Variants in PTPRM observed in about 807,000 individuals in gnomAD.
The protein encoded by PTPRM is receptor-type tyrosine-protein phosphatase mu.
Under a neutral mutation model 186.7 loss-of-function variants are expected in PTPRM, and 47 were observed. That is an observed-to-expected ratio of 0.25 (90% CI 0.20 to 0.32). The LOEUF (loss-of-function observed/expected upper bound fraction) is 0.32. Among genes scored for constraint, PTPRM ranks in the 10% least tolerant of loss-of-function variants. PTPRM has a pLI of 1.00. For missense variants in PTPRM, 1,494 were observed against 1,865.0 expected, an observed-to-expected ratio of 0.80 and a Z score of 3.66; for synonymous variants, 668 against 674.9, an observed-to-expected ratio of 0.99 and a Z score of 0.16.
chr18:7,868,869 G>A (rs146595306), intron 2 of PTPRM, among the ~76,000 whole-genome samples: 12 of 152,334 alleles, frequency 7.9e-5, no homozygotes, highest in East Asian at 3.9e-4. Flanking sequence ...GCCTGGGACC[G>A]CTGCCTTTCT....
intron 14 of PTPRM, among the ~76,000 whole-genome samples, chr18:8,177,670 G>A (rs927264095): frequency 2.6e-5 from 4 of 152,246 alleles, no homozygotes; most frequent in Non-Finnish European, 5.9e-5. Context: ...AAGGCTGAGT[G>A]AGAGAATGAG....
chr18:8,380,694 A>G (rs2095728193), intron 29 of PTPRM, among the ~76,000 whole-genome samples: 1 of 152,212 alleles, frequency 6.6e-6, no homozygotes, highest in Admixed American at 6.5e-5. Context: ...GCTGTTCCTA[A>G]AAGATGGAAA....
rs2094545091 is a variant in PTPRM, at chr18:8,253,238, A to G, written c.2578A>G (p.Thr860Ala). The G allele has an allele frequency of 6.6e-7, 1 of 1,511,762 alleles. No individual in the cohort carries two copies. The highest frequency in any genetic ancestry group is 2.6e-5 in the East Asian group (1 of 39,028). The allele number at this position is 1,511,762 out of a possible 1,614,324, so 93.6% of individuals were successfully genotyped here. A position where few individuals can be genotyped will look rare whatever the true frequency, so the allele number is the denominator to read the frequency against. Residue 860 changes from threonine to alanine, a missense_variant, in exon 19 of 33, where the codon ACA becomes GCA. Thr to Ala is a moderately conservative substitution (Grantham distance 58). Coordinates refer to ENST00000580170, the MANE Select transcript of PTPRM (RefSeq NM_001105244.2). ...ILVPINDETH[T>A]MASDTSSLVQ... The stretch of plus-strand genomic sequence containing the variant: ...CCTTCTTTTCCTAGATGAAACCCAC[A>G]CAATGGCCAGCGATACCAGCAGCCT...
chr18:7,675,738 A>AT (rs112150765), intron 1 of PTPRM, among the ~76,000 whole-genome samples: 38,677 of 141,838 alleles, frequency 0.27, 8,168 homozygotes, highest in African/African-American at 0.59. Flanking sequence ...TTCATTCAGC[A>AT]TTTTTTTTTT....
chr18:7,984,921 A>G (rs1487154595), intron 7 of PTPRM, among the ~76,000 whole-genome samples: 3 of 104,070 alleles, frequency 2.9e-5, no homozygotes, highest in Non-Finnish European at 5.7e-5. Context: ...AATTATATAT[A>G]CATATATAAA....
rs138711571 is a variant in PTPRM at position 8,255,428 on chromosome 18, A to G, written c.2754+2014A>G. ...TCCCATTCAGATCTTTTGAATAAAT[A>G]TGATTTATAAGTATAAACTGAAATA... On this transcript the variant is annotated intron_variant, in intron 19 of 32. Coordinates refer to ENST00000580170, the MANE Select transcript of PTPRM (RefSeq NM_001105244.2). 2.6e-4 allele frequency among the ~76,000 whole-genome samples: 39 copies of G among 152,346 alleles called. No homozygotes were observed. In the East Asian group the frequency reaches 6.9e-3, roughly 27 times the overall value.
At chr18:7,652,713 T>C (rs2038744400) in intron 1 of PTPRM, among the ~76,000 whole-genome samples, 1 of 127,450 alleles carries the variant, frequency 7.8e-6, no homozygotes, top group Non-Finnish European at 1.5e-5. Flanking sequence ...TGAGAACATA[T>C]GGACACAGGC....
At chr18:7,772,412 TTTTC>T (rs1309622505) in intron 1 of PTPRM, among the ~76,000 whole-genome samples, 2 of 115,566 alleles carry the variant, frequency 1.7e-5, no homozygotes, top group African/African-American at 3.7e-5. Context: ...TCTTTCTTTC[TTTTC>T]TTTCTTTCTC....
chr18:7,874,524 A>T (rs1567951878), intron 2 of PTPRM, among the ~76,000 whole-genome samples: 1 of 151,990 alleles, frequency 6.6e-6, no homozygotes, highest in South Asian at 2.1e-4. Flanking sequence ...AAAAAATGAA[A>T]TTTTTAAAGT....
intron 14 of PTPRM, among the ~76,000 whole-genome samples, chr18:8,233,206 C>G (rs1291205882): frequency 6.6e-6 from 1 of 152,204 alleles, no homozygotes; most frequent in African/African-American, 2.4e-5. Flanking sequence ...TCCCAGAGTG[C>G]TGGGATTACA....
chr18:8,405,693 G>T (rs972928071), intron 32 of PTPRM, among the ~76,000 whole-genome samples: 1 of 152,184 alleles, frequency 6.6e-6, no homozygotes, highest in Admixed American at 6.5e-5. Context: ...GGTAAAGCTG[G>T]ATCATGCATG....
chr18:8,405,039 T>A, intron 32 of PTPRM: 1 of 152,040 alleles, frequency 6.6e-6, no homozygotes, highest in East Asian at 1.9e-4. Flanking sequence ...GACTCGTGCC[T>A]ATAATCCCAG....
rs985625077 is a variant in PTPRM, at chr18:8,143,538, C to A, written c.2168-109C>A. ...AAATCAAAGCTTGTCTGTCTGCTGG[C>A]TCTGATAAGTCTTATTACTCTGTTA... On this transcript the variant is annotated intron_variant, in intron 13 of 32. Coordinates refer to ENST00000580170, the MANE Select transcript of PTPRM (RefSeq NM_001105244.2). 4.4e-6 allele frequency: 5 copies of A among 1,145,770 alleles called. No individual in the cohort carries two copies. The African/African-American group carries it at 7.9e-5, about 18-fold the overall frequency. The allele number at this position is 1,145,770 out of a possible 1,614,324, so 71.0% of individuals were successfully genotyped here.
chr18:8,315,358 C>G (rs1453200898), intron 21 of PTPRM, among the ~76,000 whole-genome samples: 3 of 152,324 alleles, frequency 2.0e-5, no homozygotes, highest in African/African-American at 7.2e-5. Context: ...TAGTCTGCAT[C>G]TGTTCACCAG....
chr18:8,046,346 G>T (rs1470832099), intron 7 of PTPRM, among the ~76,000 whole-genome samples: 2 of 152,222 alleles, frequency 1.3e-5, no homozygotes, highest in Admixed American at 1.3e-4. Flanking sequence ...TCTAAAATCA[G>T]TAGGTATATG....
chr18:7,938,756 A>G (rs1442533339), intron 5 of PTPRM, among the ~76,000 whole-genome samples: 2 of 152,250 alleles, frequency 1.3e-5, no homozygotes, highest in African/African-American at 4.8e-5. Flanking sequence ...AGCAAAATGA[A>G]GCTCTAAATT....
chr18:8,254,386 G>C (rs1247850040), intron 19 of PTPRM, among the ~76,000 whole-genome samples: 1 of 152,184 alleles, frequency 6.6e-6, no homozygotes, highest in African/African-American at 2.4e-5. Flanking sequence ...CCCTTGAGTG[G>C]GTGGTGTGGG....
intron 7 of PTPRM, among the ~76,000 whole-genome samples, chr18:8,012,859 AT>A (rs763706909): frequency 2.0e-5 from 3 of 151,502 alleles, no homozygotes; most frequent in Admixed American, 6.6e-5. Flanking sequence ...AATGAAGTGT[AT>A]TTTTTTTTCA....
At chr18:8,311,635 G>A (rs1490058337) in intron 20 of PTPRM, among the ~76,000 whole-genome samples, 1 of 152,172 alleles carries the variant, frequency 6.6e-6, no homozygotes, top group Non-Finnish European at 1.5e-5. Flanking sequence ...GTATATAAAG[G>A]CAAAACCCAT....
Sources: gnomAD v4.1 joint callset for allele counts (sites outside exome capture counted in the v4.1 genomes callset) on GRCh38, gnomAD v4.1.1 for gene constraint, MANE v1.5 for transcripts, NCBI Gene and HGNC (gene_info 2026-07-23, HGNC 2026-07-21) for gene names.